The following EFEMP1 variants were observed in gnomAD, a reference collection of about 807,000 sequenced individuals.
EFEMP1 encodes EGF-like fibulin extracellular matrix protein 1, also known as EGF-containing fibulin-like extracellular matrix protein 1.
Under a neutral mutation model 65.7 loss-of-function variants are expected in EFEMP1, and 18 were observed. That is an observed-to-expected ratio of 0.27 (90% CI 0.19 to 0.41). EFEMP1 has a LOEUF of 0.41. Ranked by LOEUF, EFEMP1 falls within the 10% of genes least tolerant of loss-of-function variation. The probability of loss-of-function intolerance (pLI) is 1.00; values close to 1 mark genes in which losing one functional copy is unlikely to be tolerated. For missense variants in EFEMP1, 469 were observed against 624.8 expected, an observed-to-expected ratio of 0.75 and a Z score of 2.66; for synonymous variants, 237 against 219.7, an observed-to-expected ratio of 1.08 and a Z score of -0.70.
At chr2:55,888,594 C>T (rs1669517833) in intron 5 of EFEMP1, among the ~76,000 whole-genome samples, 1 of 152,098 alleles carries the variant, frequency 6.6e-6, no homozygotes, top group Admixed American at 6.5e-5. Flanking sequence ...ACCTTGGCCT[C>T]CCAAAGTGCT....
intron 11 of EFEMP1, among the ~76,000 whole-genome samples, chr2:55,869,523 T>G (rs1459200819): frequency 6.6e-6 from 1 of 152,148 alleles, no homozygotes; most frequent in African/African-American, 2.4e-5. Context: ...CATGAGAAAT[T>G]AATCATTTTC....
rs536279337 is a variant in EFEMP1, at chr2:55,877,750, G to A, written c.756C>T (p.Cys252=). 1.1e-5 allele frequency: 17 copies of A among 1,612,946 alleles called. No homozygotes were observed. Among genetic ancestry groups the A allele is most frequent in the Admixed American group, 3.3e-5 (2 of 59,950 alleles). Reference sequence around the variant, plus strand: ...GCAAGTTCTCAAAAGGCTTACCTACGCAGGTATAGTTGTTTGCTGCCAATT... The same window carrying A: ...GCAAGTTCTCAAAAGGCTTACCTACACAGGTATAGTTGTTTGCTGCCAATT... ...GFQLAANNYT[C]VDINECDASN... The change falls in exon 7 of 12, where the codon TGC becomes TGT. Residue 252 remains cysteine (C), a synonymous_variant. Coordinates refer to ENST00000355426, the MANE Select transcript of EFEMP1 (RefSeq NM_001039348.3). The surrounding 1 kb of genome is among the most constrained non-coding windows in gnomAD (Gnocchi z 4.5).
intron 5 of EFEMP1, among the ~76,000 whole-genome samples, chr2:55,904,974 T>G (rs1222265562): frequency 6.8e-5 from 2 of 29,548 alleles, no homozygotes; most frequent in African/African-American, 3.6e-4. Context: ...GGCTTTTTTT[T>G]TTTTCTTTTT....
chr2:55,875,372 A>ATATAT (rs1553349843), intron 8 of EFEMP1, among the ~76,000 whole-genome samples: 30 of 148,980 alleles, frequency 2.0e-4, no homozygotes, highest in African/African-American at 4.7e-4. Context: ...ACACATATAT[A>ATATAT]TTTTTTTTGT....
chr2:55,895,643 G>A (rs986020904), intron 5 of EFEMP1, among the ~76,000 whole-genome samples: 26 of 150,982 alleles, frequency 1.7e-4, no homozygotes, highest in Non-Finnish European at 3.5e-4. Context: ...CGGGGTTCAC[G>A]CCATTCTCCT....
At chr2:55,913,681 A>T (rs1053613418) in intron 5 of EFEMP1, among the ~76,000 whole-genome samples, 45 of 151,876 alleles carry the variant, frequency 3.0e-4, no homozygotes, top group Admixed American at 2.6e-4. Context: ...AACTTCATCT[A>T]GTGATTTCTA....
Position 55,876,756 on chromosome 2 carries a change from TTA to T in EFEMP1, c.761-16_761-15del, listed in dbSNP as rs3838530. 2,423 of 1,457,720 alleles carry T rather than the reference TTA, an allele frequency of 1.7e-3. No individual in the cohort carries two copies. Among genetic ancestry groups the T allele is most frequent in the East Asian group, 2.2e-3 (82 of 37,966 alleles). 90.3% of individuals were successfully genotyped at this position (1,457,720 alleles called of 1,614,324 possible). ...ATTCATTTATATCTGAAAAAAAGTT[TTA>T]TATATATATATATGTATATGTATAT... On this transcript the variant is annotated splice_polypyrimidine_tract_variant and intron_variant, in intron 7 of 11. Coordinates refer to ENST00000355426, the MANE Select transcript of EFEMP1 (RefSeq NM_001039348.3).
chr2:55,889,316 T>G (rs1669546203), intron 5 of EFEMP1, among the ~76,000 whole-genome samples: 1 of 152,188 alleles, frequency 6.6e-6, no homozygotes, highest in Non-Finnish European at 1.5e-5. Flanking sequence ...ACTACTAAAT[T>G]TGGTGAGTGT....
chr2:55,922,462 A>G lies in EFEMP1; in HGVS notation c.-7-15T>C. ...ACATTGTGAATCTCAAAGAAAATAC[A>G]GGACAAACTAATGTTTAGTATCTGC... is the stretch of plus-strand genomic sequence containing the variant. On this transcript the variant is annotated splice_polypyrimidine_tract_variant and intron_variant, in intron 2 of 11. Transcript: ENST00000355426. The surrounding 1 kb of genome is among the most constrained non-coding windows in gnomAD (Gnocchi z 5.5). 6.2e-7 allele frequency: 1 copy of G among 1,609,080 alleles called. No individual in the cohort carries two copies. Among genetic ancestry groups the G allele is most frequent in the Non-Finnish European group, 8.5e-7 (1 of 1,175,720 alleles).
chr2:55,903,415 A>C (rs749677519), intron 5 of EFEMP1, among the ~76,000 whole-genome samples: 1 of 152,212 alleles, frequency 6.6e-6, no homozygotes, highest in Non-Finnish European at 1.5e-5. Context: ...TCCATTAGAC[A>C]TATCAGTTTC....
intron 5 of EFEMP1, among the ~76,000 whole-genome samples, chr2:55,888,470 T>C (rs1161733507): frequency 6.6e-6 from 1 of 151,714 alleles, no homozygotes; most frequent in East Asian, 1.9e-4. Context: ...CCTGAGTAGC[T>C]GGGATTACAG....
rs1274810700 is a variant in EFEMP1, at chr2:55,923,460, C to A, written c.-49+251G>T. Among the ~76,000 whole-genome samples the A allele has an allele frequency of 3.9e-5, 6 of 152,226 alleles. No homozygotes were observed. The highest frequency in any genetic ancestry group is 9.6e-5 in the African/African-American group (4 of 41,466). ...TTCAAAACCACGTTTATGGGCAAAG[C>A]CCTGCCGGCTGGTTGTCGGCGCGCA... On this transcript the variant is annotated intron_variant, in intron 1 of 11. Transcript: ENST00000355426. The surrounding 1 kb of genome is among the most constrained non-coding windows in gnomAD (Gnocchi z 5.3).
chr2:55,875,591 A>G (rs1558461488), intron 8 of EFEMP1, among the ~76,000 whole-genome samples: 1 of 152,240 alleles, frequency 6.6e-6, no homozygotes, highest in East Asian at 1.9e-4. Context: ...CAATTTGGCT[A>G]ATCCTGGACC....
Position 55,886,545 on chromosome 2 carries a change from T to G in EFEMP1, c.518-4811A>C, listed in dbSNP as rs1045632315. Among the ~76,000 whole-genome samples, 4 of 152,140 alleles carry G rather than the reference T, an allele frequency of 2.6e-5. No homozygotes were observed. Among genetic ancestry groups the G allele is most frequent in the Non-Finnish European group, 5.9e-5 (4 of 67,994 alleles). On this transcript the variant is annotated intron_variant, in intron 5 of 11. Transcript: ENST00000355426. This position sits in a 1 kb window ranked among gnomAD's most constrained non-coding sequence, Gnocchi z 4.0. ...ATTTAATCTCATAAATGGAGTAAAG[T>G]AGAAAAATGGTCAAGGTAAAGGATT...
intron 5 of EFEMP1, among the ~76,000 whole-genome samples, chr2:55,895,697 T>A (rs540348597): frequency 5.9e-5 from 9 of 151,868 alleles, no homozygotes; most frequent in South Asian, 2.1e-4. Context: ...GCCCGCCACC[T>A]CGCCCGGCTA....
rs1668618240 is a variant in EFEMP1 at position 55,867,375 on chromosome 2, G to A, written c.1321-141C>T. 4 of 852,330 alleles carry A rather than the reference G, an allele frequency of 4.7e-6. No homozygotes were observed. The highest frequency in any genetic ancestry group is 7.2e-6 in the Non-Finnish European group (4 of 556,912). 52.8% of individuals were successfully genotyped at this position (852,330 alleles called of 1,614,324 possible). On this transcript the variant is annotated intron_variant, in intron 11 of 11. Transcript: ENST00000355426. The surrounding 1 kb of genome is among the most constrained non-coding windows in gnomAD (Gnocchi z 4.3). ...AAGAGCCACTACTTGGTCCCTTCTT[G>A]GTTTCAACTCTTCTTGGCTCTTATC...
intron 5 of EFEMP1, among the ~76,000 whole-genome samples, chr2:55,915,622 A>C (rs749837848): frequency 2.0e-5 from 3 of 152,148 alleles, no homozygotes; most frequent in African/African-American, 4.8e-5. Context: ...TCATTCATTT[A>C]TCTGGTTTTT....
rs191113862 is a variant in EFEMP1, at chr2:55,922,336, A to T, written c.81+24T>A. On this transcript the variant is annotated intron_variant, in intron 3 of 11. Coordinates refer to ENST00000355426, the MANE Select transcript of EFEMP1 (RefSeq NM_001039348.3). This position sits in a 1 kb window ranked among gnomAD's most constrained non-coding sequence, Gnocchi z 5.5. ...CACAGAATCCCGCTGAACCGTACTT[A>T]TTTCAAATTCCATCACCCCTTACCG... 5.6e-5 allele frequency: 90 copies of T among 1,610,394 alleles called. No homozygotes were observed. In the African/African-American group the frequency reaches 9.3e-4, roughly 17 times the overall value.
At chr2:55,901,875 C>G (rs1439202648) in intron 5 of EFEMP1, among the ~76,000 whole-genome samples, 2 of 152,194 alleles carry the variant, frequency 1.3e-5, no homozygotes, top group African/African-American at 2.4e-5. Context: ...CCTTCTCTTG[C>G]CCCCTCACTT....
Sources: gnomAD v4.1 joint callset for allele counts (sites outside exome capture counted in the v4.1 genomes callset) on GRCh38, gnomAD v4.1.1 for gene constraint, Gnocchi (gnomAD v3.1) non-coding constraint, MANE v1.5 for transcripts, NCBI Gene and HGNC (gene_info 2026-07-23, HGNC 2026-07-21) for gene names.